ZBBX: variants seen among roughly 807,000 people sequenced by gnomAD.
ZBBX encodes zinc finger B-box domain containing.
A neutral mutation model predicts 108.5 loss-of-function variants in ZBBX; 101 were observed. The ratio of observed to expected loss-of-function variants is 0.93; its 90% CI spans 0.79 to 1.10. The LOEUF is 1.10. Among genes scored for constraint, ZBBX ranks in the 50% least tolerant of loss-of-function variants. ZBBX has a pLI of 0.00. For synonymous variants in ZBBX, 356 were observed against 323.4 expected (o/e 1.10, Z -1.08); for missense variants, 1,009 against 941.4 (o/e 1.07, Z -0.94).
intron 2 of ZBBX, among the ~76,000 whole-genome samples, chr3:167,375,675 T>C (rs1479980926): frequency 6.6e-6 from 1 of 152,042 alleles, no homozygotes; most frequent in Non-Finnish European, 1.5e-5. Context: ...TTAAAAATGA[T>C]TGTGCAATAG....
chr3:167,227,444 T>C, the ZBBX span, among the ~76,000 whole-genome samples: 2 of 151,744 alleles, frequency 1.3e-5, no homozygotes, highest in Non-Finnish European at 2.9e-5. Context: ...CTAACTCTAC[T>C]GGTAGGCTGA....
At chr3:167,317,658 C>A in intron 12 of ZBBX, 61 bp from the exon 13 acceptor site, 2 of 1,096,338 alleles carry the variant, frequency 1.8e-6, no homozygotes, top group Non-Finnish European at 1.3e-6. Flanking sequence ...CTTTCCCAGA[C>A]AAGCTCTTGA....
intron 1 of ZBBX, among the ~76,000 whole-genome samples, chr3:167,387,677 G>A (rs368146617): frequency 3.3e-5 from 5 of 152,134 alleles, no homozygotes; most frequent in African/African-American, 7.2e-5. Flanking sequence ...ATACAATTCC[G>A]TGAAGGGAAG....
At chr3:167,297,522 G>A (rs931722802) in intron 18 of ZBBX, among the ~76,000 whole-genome samples, 3 of 151,860 alleles carry the variant, frequency 2.0e-5, no homozygotes, top group Non-Finnish European at 4.4e-5. Flanking sequence ...AGCCACAAAA[G>A]TAGACAAATT....
chr3:167,334,617 T>G (rs1273494300), intron 9 of ZBBX, among the ~76,000 whole-genome samples: 1 of 151,916 alleles, frequency 6.6e-6, no homozygotes, highest in East Asian at 1.9e-4. Context: ...CTCGGAGAGT[T>G]TAAACAACTT....
At chr3:167,355,177 A>C (rs1334593701) in intron 8 of ZBBX, among the ~76,000 whole-genome samples, 3 of 151,994 alleles carry the variant, frequency 2.0e-5, no homozygotes, top group African/African-American at 7.2e-5. Flanking sequence ...TTAATATATA[A>C]GAAAAGTGGA....
intron 19 of ZBBX, among the ~76,000 whole-genome samples, chr3:167,284,995 A>G (rs534655058): frequency 2.5e-3 from 376 of 152,254 alleles, no homozygotes; most frequent in African/African-American, 8.7e-3. Context: ...TTGTAGATTA[A>G]AAGCATAAGA....
the ZBBX span, among the ~76,000 whole-genome samples, chr3:167,204,243 C>CTTTT: frequency 1.4e-4 from 4 of 28,340 alleles, no homozygotes; most frequent in Non-Finnish European, 2.3e-4. Context: ...CTTTTCTTTT[C>CTTTT]TTTTTTTTTT....
chr3:167,265,711 C>A (rs184688170), intron 20 of ZBBX, among the ~76,000 whole-genome samples: 1 of 152,176 alleles, frequency 6.6e-6, no homozygotes, highest in South Asian at 2.1e-4. Flanking sequence ...CCTATGACCC[C>A]CAGGCACTTC....
Position 167,328,082 on chromosome 3 carries a change from G to C in ZBBX, c.722C>G (p.Thr241Arg), listed in dbSNP as rs775649532. The change falls in exon 11 of 22, where the codon ACA (threonine) becomes AGA (arginine). Residue 241 changes from threonine (T) to arginine (R), a missense_variant. By Grantham distance (71) the Thr-to-Arg change is moderately conservative. Coordinates refer to ENST00000675490, the MANE Select transcript of ZBBX (RefSeq NM_001199201.2). The part of the protein sequence containing the change: ...EITTMKRAQR[T>R]KPRKSLLCEG... ...ACACAACAGACTCTTTCTTGGTTTT[G>C]TACGTTGTGCTCTTTTCATCGTTGT... The C allele has an allele frequency of 6.2e-7, 1 of 1,613,488 alleles. No homozygotes were observed. The highest frequency in any genetic ancestry group is 1.3e-5 in the African/African-American group (1 of 74,828).
At chr3:167,373,959 A>G (rs981751959) in intron 2 of ZBBX, among the ~76,000 whole-genome samples, 172 bp from the exon 3 acceptor site, 2 of 152,246 alleles carry the variant, frequency 1.3e-5, no homozygotes, top group Non-Finnish European at 2.9e-5. Context: ...CTAGGGAAAT[A>G]GTCAACTAAA....
the ZBBX span, among the ~76,000 whole-genome samples, chr3:167,226,100 A>G: frequency 6.6e-6 from 1 of 151,554 alleles, no homozygotes; most frequent in Non-Finnish European, 1.5e-5. Flanking sequence ...AAAAAAGAAA[A>G]AAAAACCTCA....
In ZBBX at chr3:167,379,620, T is replaced by C. The variant is rs1747505281; in HGVS notation, c.-132+18A>G. 3 of 152,176 alleles carry C rather than the reference T, an allele frequency of 2.0e-5. No individual in the cohort carries two copies. The highest frequency in any genetic ancestry group is 6.5e-5 in the Admixed American group (1 of 15,280). 9.4% of individuals were successfully genotyped at this position (152,176 alleles called of 1,614,324 possible). A position where few individuals can be genotyped will look rare whatever the true frequency, so the allele number is the denominator to read the frequency against. On this transcript the variant is annotated intron_variant, in intron 2 of 21. Transcript: ENST00000675490. ...TTTAAGTCAAGCTATAAAATATATA[T>C]AACTGAACCTTACATACCTGAGTCC...
At chr3:167,343,080 T>A (rs1740832825) in intron 9 of ZBBX, among the ~76,000 whole-genome samples, 1 of 151,898 alleles carries the variant, frequency 6.6e-6, no homozygotes, top group South Asian at 2.1e-4. Context: ...AATATAGGAA[T>A]GGGATTGAAT....
intron 1 of ZBBX, among the ~76,000 whole-genome samples, chr3:167,405,306 C>A (rs1228260783): frequency 2.0e-5 from 3 of 151,958 alleles, no homozygotes; most frequent in Admixed American, 6.6e-5. Flanking sequence ...AATGCAGAAC[C>A]CTTGACCTCT....
intron 2 of ZBBX, among the ~76,000 whole-genome samples, chr3:167,374,805 C>T (rs1746693515): frequency 6.6e-6 from 1 of 152,088 alleles, no homozygotes; most frequent in Non-Finnish European, 1.5e-5. Flanking sequence ...AGAGAGAATT[C>T]AGCTGGCTAG....
intron 6 of ZBBX, among the ~76,000 whole-genome samples, chr3:167,362,177 T>C (rs1744631629): frequency 6.6e-6 from 1 of 152,108 alleles, no homozygotes; most frequent in East Asian, 1.9e-4. Context: ...ATATAATACA[T>C]GCATATGTAT....
At chr3:167,219,687 T>C in the ZBBX span, among the ~76,000 whole-genome samples, 2 of 151,668 alleles carry the variant, frequency 1.3e-5, no homozygotes, top group Non-Finnish European at 3.0e-5. Flanking sequence ...AACAACGTAA[T>C]GATGCAACTT....
intron 1 of ZBBX, among the ~76,000 whole-genome samples, chr3:167,395,945 G>C (rs151221056): frequency 6.6e-6 from 1 of 151,904 alleles, no homozygotes; most frequent in African/African-American, 2.4e-5. Context: ...CTACTTTAAG[G>C]CTTGGGTACA....
Sources: allele counts gnomAD v4.1 joint callset (sites outside exome capture counted in the v4.1 genomes callset), GRCh38; gene constraint gnomAD v4.1.1; transcripts MANE v1.5; gene names NCBI Gene and HGNC (gene_info 2026-07-23, HGNC 2026-07-21).